The following MUC22 variants were observed in gnomAD, a reference collection of about 807,000 sequenced individuals.
The protein encoded by MUC22 is mucin-22.
In MUC22, 24 loss-of-function variants were observed where a neutral mutation model predicts 40.3. That is an observed-to-expected ratio of 0.60 (90% CI 0.43 to 0.84). MUC22 has a LOEUF of 0.84. Among genes scored for constraint, MUC22 ranks in the 40% least tolerant of loss-of-function variants. The pLI, the probability that MUC22 is intolerant of heterozygous loss-of-function variation, is 0.00. For missense variants in MUC22, 1,926 were observed against 2,130.7 expected (o/e 0.90, Z 1.89); for synonymous variants, 765 against 844.5 (o/e 0.91, Z 1.63).
At chr6:31,031,186 C>T (rs1304872442) in intron 2 of MUC22, among the ~76,000 whole-genome samples, 1 of 152,208 alleles carries the variant, frequency 6.6e-6, no homozygotes, top group East Asian at 1.9e-4. Context: ...GCTACCTAAG[C>T]CGCCACCACC....
upstream of MUC22, among the ~76,000 whole-genome samples, chr6:31,008,605 G>A (rs1415958821): frequency 6.7e-6 from 1 of 149,916 alleles, no homozygotes; most frequent in Non-Finnish European, 1.5e-5. Context: ...CTGGAGTGCA[G>A]TGGTGCGATC....
exon 2 of MUC22, chr6:31,026,210 C>T (rs1041414348): frequency 1.1e-5 from 17 of 1,521,110 alleles, no homozygotes; most frequent in East Asian, 7.4e-5. Flanking sequence ...ACCACTGTGG[C>T]CCCCGCTGCA....
At chr6:31,008,530 A>C (rs1272915385), upstream of MUC22, among the ~76,000 whole-genome samples, 10 of 151,340 alleles carry the variant, frequency 6.6e-5, no homozygotes, top group Admixed American at 6.6e-4. Context: ...AAGAGACCTG[A>C]AACATTGTTT....
chr6:31,020,296 A>C (rs887966751), intron 1 of MUC22, among the ~76,000 whole-genome samples: 1 of 152,182 alleles, frequency 6.6e-6, no homozygotes, highest in Non-Finnish European at 1.5e-5. Context: ...CAGAAGATAA[A>C]GAAGCAACAT....
intron 1 of MUC22, among the ~76,000 whole-genome samples, chr6:31,012,852 C>T (rs1763948068): frequency 6.6e-6 from 1 of 152,166 alleles, no homozygotes; most frequent in African/African-American, 2.4e-5. Context: ...TCCCATCTCA[C>T]TTTACCTTTC....
intron 1 of MUC22, among the ~76,000 whole-genome samples, chr6:31,012,064 G>C (rs1763898537): frequency 6.6e-6 from 1 of 152,166 alleles, no homozygotes; most frequent in Non-Finnish European, 1.5e-5. Flanking sequence ...GTCTGAGATA[G>C]TACTGTTCAC....
chr6:31,025,570 A>ACCACCATGGCCT, exon 2 of MUC22: 2 of 1,526,538 alleles, frequency 1.3e-6, no homozygotes, highest in East Asian at 2.5e-5. Context: ...AGGCTCTGAG[A>ACCACCATGGCCT]CCACCATGGC....
intron 1 of MUC22, among the ~76,000 whole-genome samples, chr6:31,025,112 G>A (rs1399778789): frequency 8.6e-6 from 1 of 115,616 alleles, no homozygotes; most frequent in Non-Finnish European, 1.9e-5. Context: ...CAGGTGATCC[G>A]CCTGGGATTA....
chr6:31,009,595 A>G (rs1763733447), upstream of MUC22, among the ~76,000 whole-genome samples: 1 of 152,214 alleles, frequency 6.6e-6, no homozygotes, highest in Non-Finnish European at 1.5e-5. Flanking sequence ...TTTTAAAAGA[A>G]AATGAAATTT....
At chr6:31,025,716 G>A (rs374063955) in exon 2 of MUC22, 65 of 1,520,336 alleles carry the variant, frequency 4.3e-5, no homozygotes, top group African/African-American at 3.9e-4. Context: ...AGACCAACAC[G>A]GCCTCCACCA....
Position 31,032,505 on chromosome 6 carries a change from C to T in MUC22, c.4979C>T (p.Pro1660Leu). The T allele has an allele frequency of 6.5e-7, 1 of 1,535,712 alleles. No individual in the cohort carries two copies. Among genetic ancestry groups the T allele is most frequent in the Non-Finnish European group, 8.7e-7 (1 of 1,146,922 alleles). ...ATCAAACCAAGTGGATATTTACAGCCCTGGGCTATCATCCTCATTTCCCTG... is the reference window on the plus strand; with the variant it reads ...ATCAAACCAAGTGGATATTTACAGCTCTGGGCTATCATCCTCATTTCCCTG... The change falls in exon 3 of 4, where the codon CCC becomes CTC. Residue 1660 changes from proline to leucine, a missense_variant. By Grantham distance (98) the Pro-to-Leu change is moderately conservative. Transcript: ENST00000561890. This position sits in a 1 kb window ranked among gnomAD's most constrained non-coding sequence, Gnocchi z 4.1.
chr6:31,028,598 C>T (rs1562613111), exon 2 of MUC22: 3 of 1,534,782 alleles, frequency 2.0e-6, no homozygotes, highest in Non-Finnish European at 1.7e-6. Flanking sequence ...AAAATGACCA[C>T]AGTCTTCACT....
chr6:31,015,671 G>C (rs1764145252), intron 1 of MUC22, among the ~76,000 whole-genome samples: 1 of 152,204 alleles, frequency 6.6e-6, no homozygotes, highest in Non-Finnish European at 1.5e-5. Context: ...CTAGATTCTA[G>C]ATTGTGAAGT....
intron 1 of MUC22, among the ~76,000 whole-genome samples, chr6:31,021,026 G>A (rs571771216): frequency 4.8e-5 from 5 of 103,330 alleles, no homozygotes; most frequent in South Asian, 2.4e-4. Context: ...GCTTCTGTGC[G>A]GCCGGAGCCT....
At position 31,032,866 on chromosome 6, in the gene MUC22, A is replaced by T. The variant is rs1236658084; in HGVS notation, c.5055+285A>T. ...GAGAGAGAACAAGGAGGACATAAAC[A>T]TAAAGAAAGCAAGAAGCAGCTGGGC... On this transcript the variant is annotated intron_variant, in intron 3 of 3. Coordinates refer to ENST00000561890, the Ensembl canonical transcript of MUC22. This position sits in a 1 kb window ranked among gnomAD's most constrained non-coding sequence, Gnocchi z 4.1. Among the ~76,000 whole-genome samples the T allele has an allele frequency of 6.6e-6, 1 of 152,190 alleles. No individual in the cohort carries two copies. Among genetic ancestry groups the T allele is most frequent in the Non-Finnish European group, 1.5e-5 (1 of 68,028 alleles).
intron 1 of MUC22, among the ~76,000 whole-genome samples, chr6:31,018,216 A>C (rs1223387300): frequency 1.3e-5 from 2 of 152,242 alleles, no homozygotes; most frequent in Non-Finnish European, 2.9e-5. Context: ...CTCCAGAGAT[A>C]AAACCCTAAG....
exon 4 of MUC22, chr6:31,035,166 C>T: frequency 1.9e-6 from 1 of 539,328 alleles, no homozygotes; most frequent in Admixed American, 3.4e-5. Flanking sequence ...GCAAAAGGAC[C>T]TCAGAGACTT....
chr6:31,016,089 A>T (rs1298439681), intron 1 of MUC22, among the ~76,000 whole-genome samples: 2 of 139,510 alleles, frequency 1.4e-5, no homozygotes, highest in African/African-American at 2.6e-5. Context: ...TTTCAAAGAG[A>T]TCTTTTTTTT....
chr6:31,032,169 C>T lies in MUC22; in HGVS notation c.4670-27C>T, dbSNP rs1376099572. On this transcript the variant is annotated intron_variant, in intron 2 of 3. Transcript: ENST00000561890. This position sits in a 1 kb window ranked among gnomAD's most constrained non-coding sequence, Gnocchi z 4.1. Reference sequence around the variant, plus strand: ...CCTTTAATCATCTCTGCTACAAATGCATCATCTTGTGTGACCTGTTTCATA... The same window carrying T: ...CCTTTAATCATCTCTGCTACAAATGTATCATCTTGTGTGACCTGTTTCATA... The T allele has an allele frequency of 6.6e-7, 1 of 1,513,580 alleles. No individual in the cohort carries two copies. Among genetic ancestry groups the T allele is most frequent in the South Asian group, 1.3e-5 (1 of 79,260 alleles). The allele number at this position is 1,513,580 out of a possible 1,614,324, so 93.8% of individuals were successfully genotyped here.
Sources: allele counts gnomAD v4.1 joint callset (sites outside exome capture counted in the v4.1 genomes callset), GRCh38; gene constraint gnomAD v4.1.1; non-coding constraint Gnocchi (gnomAD v3.1); transcripts MANE v1.5; gene names NCBI Gene and HGNC (gene_info 2026-07-23, HGNC 2026-07-21).